The following LRRC8D variants were observed in gnomAD, a reference collection of about 807,000 sequenced individuals.
LRRC8D encodes volume-regulated anion channel subunit LRRC8D.
A neutral mutation model predicts 55.8 loss-of-function variants in LRRC8D; 20 were observed. That is an observed-to-expected ratio of 0.36 (90% CI 0.25 to 0.52). The LOEUF is 0.52. Ranked by LOEUF, LRRC8D falls within the 20% of genes least tolerant of loss-of-function variation. LRRC8D has a pLI of 0.93. For missense variants in LRRC8D, 651 were observed against 1,030.8 expected, an observed-to-expected ratio of 0.63 and a Z score of 5.05; for synonymous variants, 352 against 377.0, an observed-to-expected ratio of 0.93 and a Z score of 0.77.
Position 89,849,635 on chromosome 1 carries a change from A to G in LRRC8D, c.-3+5853A>G, listed in dbSNP as rs1661362191. On this transcript the variant is annotated intron_variant, in intron 2 of 2. Coordinates refer to ENST00000337338, the MANE Select transcript of LRRC8D (RefSeq NM_001134479.2). ...TGCTAGTGAGGCTGAACATGTCTTC[A>G]TTTACTTAATTTAATTTCCCTTTTC... is the stretch of plus-strand genomic sequence containing the variant. Among the ~76,000 whole-genome samples the G allele has an allele frequency of 3.3e-5, 5 of 152,016 alleles. No homozygotes were observed. The South Asian group carries it at 1.0e-3, about 32-fold the overall frequency.
rs539923816 is a variant in LRRC8D at position 89,936,381 on chromosome 1, G to A, written c.*736G>A. Reference sequence around the variant, plus strand: ...TACATTTTTCTACCAGTAATATAGGGTTGCCAATAAATAGAAAATGTTTTC... The same window carrying A: ...TACATTTTTCTACCAGTAATATAGGATTGCCAATAAATAGAAAATGTTTTC... On this transcript the variant is annotated 3_prime_UTR_variant, in exon 3 of 3. Coordinates refer to ENST00000337338, the MANE Select transcript of LRRC8D (RefSeq NM_001134479.2). The A allele has an allele frequency of 7.1e-4, 119 of 166,598 alleles. No homozygotes were observed. Among genetic ancestry groups the A allele is most frequent in the African/African-American group, 2.7e-3 (112 of 41,520 alleles). The allele number at this position is 166,598 out of a possible 1,614,324, so 10.3% of individuals were successfully genotyped here. A position where few individuals can be genotyped will look rare whatever the true frequency, so the allele number is the denominator to read the frequency against.
At chr1:89,853,619 T>C (rs1661478346) in intron 2 of LRRC8D, among the ~76,000 whole-genome samples, 1 of 152,166 alleles carries the variant, frequency 6.6e-6, no homozygotes, top group African/African-American at 2.4e-5. Flanking sequence ...ACAGACAGGG[T>C]GTCTAAACCT....
intron 1 of LRRC8D, among the ~76,000 whole-genome samples, chr1:89,826,925 G>T (rs1030409798): frequency 3.3e-5 from 5 of 152,194 alleles, no homozygotes; most frequent in African/African-American, 1.2e-4. Flanking sequence ...GTATTAAGGG[G>T]AAATTACAGA....
At position 89,934,851 on chromosome 1, in the gene LRRC8D, G is replaced by C; in HGVS notation, c.1783G>C (p.Val595Leu). ...GTTGCGGCACCTTAAGATTCTCCAC[G>C]TGAAGAGCAATTTGACCAAAGTTCC... The part of the protein sequence containing the change: ...RELRHLKILH[V>L]KSNLTKVPSN... The change falls in exon 3 of 3, where the codon GTG (valine) becomes CTG (leucine). Residue 595 changes from valine (V) to leucine (L), a missense_variant. This residue lies in a region of LRRC8D where 338 missense variants were observed against 479.4 expected (regional missense o/e 0.71). Coordinates refer to ENST00000337338, the MANE Select transcript of LRRC8D (RefSeq NM_001134479.2). This position sits in a 1 kb window ranked among gnomAD's most constrained non-coding sequence, Gnocchi z 5.9. 1 of 1,614,046 alleles carries C rather than the reference G, an allele frequency of 6.2e-7. No homozygotes were observed. The highest frequency in any genetic ancestry group is 8.5e-7 in the Non-Finnish European group (1 of 1,180,004).
intron 2 of LRRC8D, among the ~76,000 whole-genome samples, chr1:89,919,752 T>C (rs1663365952): frequency 6.6e-6 from 1 of 152,232 alleles, no homozygotes; most frequent in African/African-American, 2.4e-5. Flanking sequence ...CTATTGTCAT[T>C]ATCCCTTGCT....
intron 2 of LRRC8D, among the ~76,000 whole-genome samples, chr1:89,905,192 A>G (rs1662959561): frequency 1.3e-5 from 2 of 152,330 alleles, no homozygotes; most frequent in African/African-American, 2.4e-5. Flanking sequence ...GAAACTTTTC[A>G]AGGGGCTAAT....
At chr1:89,927,603 T>C (rs1663600325) in intron 2 of LRRC8D, among the ~76,000 whole-genome samples, 1 of 152,210 alleles carries the variant, frequency 6.6e-6, no homozygotes, top group Non-Finnish European at 1.5e-5. Context: ...TGCTCAATTT[T>C]AGTAGATAAT....
intron 2 of LRRC8D, among the ~76,000 whole-genome samples, chr1:89,848,709 T>G (rs557896047): frequency 1.5e-4 from 22 of 150,822 alleles, no homozygotes; most frequent in African/African-American, 3.6e-4. Flanking sequence ...TTTTTTGGGG[T>G]TTTTTTTTGA....
At chr1:89,907,519 A>G (rs944005557) in intron 2 of LRRC8D, among the ~76,000 whole-genome samples, 4 of 152,138 alleles carry the variant, frequency 2.6e-5, no homozygotes, top group African/African-American at 9.7e-5. Flanking sequence ...TGTATTGCCT[A>G]TGAGCAGATG....
At chr1:89,896,065 G>T (rs918487294) in intron 2 of LRRC8D, among the ~76,000 whole-genome samples, 1 of 152,196 alleles carries the variant, frequency 6.6e-6, no homozygotes, top group Non-Finnish European at 1.5e-5. Context: ...GACAAGAAAT[G>T]ATACATGAGT....
At chr1:89,932,508 G>T (rs1024214727) in intron 2 of LRRC8D, among the ~76,000 whole-genome samples, 1 of 152,186 alleles carries the variant, frequency 6.6e-6, no homozygotes, top group Non-Finnish European at 1.5e-5. Flanking sequence ...TGCTAAGAGC[G>T]TTACAATCAT....
At chr1:89,895,433 A>G (rs1041254382) in intron 2 of LRRC8D, among the ~76,000 whole-genome samples, 1 of 152,186 alleles carries the variant, frequency 6.6e-6, no homozygotes, top group African/African-American at 2.4e-5. Flanking sequence ...TTCAAAGGCA[A>G]CTTGAGTTAG....
At chr1:89,822,619 C>G (rs1369707092) in intron 1 of LRRC8D, among the ~76,000 whole-genome samples, 1 of 152,090 alleles carries the variant, frequency 6.6e-6, no homozygotes, top group East Asian at 1.9e-4. Context: ...AGGGAATCCC[C>G]GTTTGCAGTA....
chr1:89,920,239 T>C (rs954981516), intron 2 of LRRC8D, among the ~76,000 whole-genome samples: 2 of 152,226 alleles, frequency 1.3e-5, no homozygotes, highest in Non-Finnish European at 2.9e-5. Context: ...AAATTTGCTC[T>C]GTGAATAGCA....
chr1:89,857,884 C>T (rs1283410576), intron 2 of LRRC8D, among the ~76,000 whole-genome samples: 1 of 152,192 alleles, frequency 6.6e-6, no homozygotes, highest in Non-Finnish European at 1.5e-5. Context: ...TTGCTCTTCA[C>T]TATCTTTCAA....
chr1:89,843,594 C>CAGG, intron 1 of LRRC8D, 44 bp from the exon 2 acceptor site: 2 of 693,630 alleles, frequency 2.9e-6, no homozygotes, highest in African/African-American at 1.8e-5. Context: ...GCTGCCGACA[C>CAGG]TTGGATCTCT....
intron 1 of LRRC8D, among the ~76,000 whole-genome samples, chr1:89,837,581 A>C (rs1245085748): frequency 6.6e-6 from 1 of 152,210 alleles, no homozygotes; most frequent in Non-Finnish European, 1.5e-5. Context: ...CTCCATGTCC[A>C]TGTCTCTTTT....
At position 89,913,132 on chromosome 1, in the gene LRRC8D, C is replaced by G. The variant is rs115446272; in HGVS notation, c.-2-19935C>G. ...GGAAGGCCAAGTCAAGTAGCCTTGT[C>G]TTGTAGCCTTGTCTTTATGAAGGTT... On this transcript the variant is annotated intron_variant, in intron 2 of 2. Coordinates refer to ENST00000337338, the MANE Select transcript of LRRC8D (RefSeq NM_001134479.2). 3.7e-3 allele frequency among the ~76,000 whole-genome samples: 568 copies of G among 151,524 alleles called. 8 individuals are homozygous for G. Among genetic ancestry groups the G allele is most frequent in the African/African-American group, 0.012 (517 of 41,526 alleles).
At chr1:89,930,907 A>C (rs1663688627) in intron 2 of LRRC8D, among the ~76,000 whole-genome samples, 1 of 151,980 alleles carries the variant, frequency 6.6e-6, no homozygotes, top group South Asian at 2.1e-4. Context: ...CACAAGATAC[A>C]GGAGCTCAGA....
Sources: allele counts gnomAD v4.1 joint callset (sites outside exome capture counted in the v4.1 genomes callset), GRCh38; gene constraint gnomAD v4.1.1; regional missense constraint gnomAD v4.1.1; non-coding constraint Gnocchi (gnomAD v3.1); transcripts MANE v1.5; gene names NCBI Gene and HGNC (gene_info 2026-07-23, HGNC 2026-07-21).